Variants in ST8SIA5 observed in about 807,000 individuals in gnomAD.
ST8SIA5 encodes ST8 alpha-N-acetyl-neuraminide alpha-2,8-sialyltransferase 5.
A neutral mutation model predicts 40.2 loss-of-function variants in ST8SIA5; 24 were observed. The observed-to-expected ratio is 0.60, with a 90% CI of 0.43 to 0.84. ST8SIA5 has a LOEUF of 0.84. Ranked by LOEUF, ST8SIA5 falls within the 40% of genes least tolerant of loss-of-function variation. ST8SIA5 has a pLI of 0.00. For missense variants in ST8SIA5, 465 were observed against 498.5 expected (o/e 0.93, Z 0.64); for synonymous variants, 198 against 201.8 (o/e 0.98, Z 0.16).
intron 3 of ST8SIA5, chr18:46,691,444 A>G (rs11662364): frequency 0.25 from 38,261 of 152,166 alleles, 5,783 homozygotes; most frequent in Middle Eastern, 0.42. Flanking sequence ...CTGAGTGCTG[A>G]AATCCAGTAT....
At chr18:46,712,920 C>T (rs948569) in intron 1 of ST8SIA5, among the ~76,000 whole-genome samples, 141,032 of 152,298 alleles carry the variant, frequency 0.93, 65,400 homozygotes, top group Non-Finnish European at 0.95. Flanking sequence ...TGAATAGAGG[C>T]ATGGAGCCCT....
rs192349747 is a variant in ST8SIA5 at position 46,705,715 on chromosome 18, C to T, written c.132-1051G>A. On this transcript the variant is annotated intron_variant, in intron 1 of 6. Coordinates refer to ENST00000315087, the MANE Select transcript of ST8SIA5 (RefSeq NM_013305.6). Reference sequence around the variant, plus strand: ...TGTTCAGAGGCAGGGGTGGGTGGAGCTTGGAGGGTTGGATCCCAGGACAGC... The same window carrying T: ...TGTTCAGAGGCAGGGGTGGGTGGAGTTTGGAGGGTTGGATCCCAGGACAGC... 1.8e-3 allele frequency among the ~76,000 whole-genome samples: 274 copies of T among 152,322 alleles called. 2 individuals carry two copies. Among genetic ancestry groups the T allele is most frequent in the African/African-American group, 6.4e-3 (266 of 41,586 alleles).
Position 46,756,429 on chromosome 18 carries a change from G to A in ST8SIA5, c.80C>T (p.Ala27Val), listed in dbSNP as rs2040247642. 6.2e-7 allele frequency: 1 copy of A among 1,613,306 alleles called. No individual in the cohort carries two copies. The highest frequency in any genetic ancestry group is 1.3e-5 in the African/African-American group (1 of 75,014). The change falls in exon 1 of 7, where the codon GCC becomes GTC. Residue 27 changes from alanine (A) to valine (V), a missense_variant. Physicochemically the swap from Ala to Val is moderately conservative, Grantham distance 64. Transcript: ENST00000315087. ...GATCTGTTGCAGCAAGGTCACCAAG[G>A]CAAAGGCGCAGATGAAGATGAAGAG... ...TLLFIFICAF[A>V]LVTLLQQILY...
Position 46,732,032 on chromosome 18 carries a change from G to A in ST8SIA5, c.131+24346C>T, listed in dbSNP as rs998429310. Among the ~76,000 whole-genome samples, 8 of 152,270 alleles carry A rather than the reference G, an allele frequency of 5.3e-5. No individual in the cohort carries two copies. In the East Asian group the frequency reaches 1.4e-3, roughly 26 times the overall value. ...CCCAAGTTGTGGGAAGACAGGCCTC[G>A]GGTTGCCACTTTGCTCATTTGTCCA... On this transcript the variant is annotated intron_variant, in intron 1 of 6. Coordinates refer to ENST00000315087, the MANE Select transcript of ST8SIA5 (RefSeq NM_013305.6).
At chr18:46,742,209 A>T (rs938236716) in intron 1 of ST8SIA5, among the ~76,000 whole-genome samples, 1 of 152,154 alleles carries the variant, frequency 6.6e-6, no homozygotes, top group Non-Finnish European at 1.5e-5. Context: ...TCTTAAAAAA[A>T]TAAGCAAACA....
intron 1 of ST8SIA5, among the ~76,000 whole-genome samples, chr18:46,719,704 T>TTCTTTCTTTCTTTCTTTCTTTCTCTCTC (rs760988683): frequency 7.0e-6 from 1 of 143,868 alleles, no homozygotes; most frequent in Non-Finnish European, 1.5e-5. Flanking sequence ...CTTTCTTTCT[T>TTCTTTCTTTCTTTCTTTCTTTCTCTCTC]TCTCTCTTTC....
intron 1 of ST8SIA5, among the ~76,000 whole-genome samples, chr18:46,755,870 C>G (rs1599162440): frequency 6.6e-6 from 1 of 152,280 alleles, no homozygotes; most frequent in East Asian, 1.9e-4. Context: ...ATAGCCACAG[C>G]CCACACTACC....
chr18:46,713,210 G>GGAGAAGGA (rs1453126242), intron 1 of ST8SIA5, among the ~76,000 whole-genome samples: 1 of 152,214 alleles, frequency 6.6e-6, no homozygotes, highest in Admixed American at 6.5e-5. Flanking sequence ...AAGAAAGTGG[G>GGAGAAGGA]GAGAAGGAGA....
At chr18:46,686,362 ACACC>A (rs1221214159) in intron 4 of ST8SIA5, 76 bp from the exon 5 acceptor site, 2 of 1,191,766 alleles carry the variant, frequency 1.7e-6, no homozygotes, top group Admixed American at 3.7e-5. Context: ...CTCTGCAAGC[ACACC>A]CACCTATATT....
chr18:46,734,065 G>A (rs1357879537), intron 1 of ST8SIA5, among the ~76,000 whole-genome samples: 2 of 152,054 alleles, frequency 1.3e-5, no homozygotes. Flanking sequence ...TAAGGAGATG[G>A]GCCCCTCAGA....
At chr18:46,710,572 G>A (rs1410130980) in intron 1 of ST8SIA5, among the ~76,000 whole-genome samples, 11 of 123,184 alleles carry the variant, frequency 8.9e-5, no homozygotes, top group Non-Finnish European at 1.4e-4. Flanking sequence ...ATGGAGTCTC[G>A]CTCTGTCACC....
intron 1 of ST8SIA5, among the ~76,000 whole-genome samples, chr18:46,709,327 C>G (rs1427812611): frequency 6.6e-6 from 1 of 152,138 alleles, no homozygotes; most frequent in South Asian, 2.1e-4. Context: ...CTATGAGGAA[C>G]GGGCCCTCGC....
At chr18:46,725,990 TATATATATATATATATATATCCTGG>T (rs1568271350) in intron 1 of ST8SIA5, among the ~76,000 whole-genome samples, 16 of 63,406 alleles carry the variant, frequency 2.5e-4, no homozygotes, top group South Asian at 1.3e-3. Flanking sequence ...TATATATATA[TATATATATATATATATATATCCTGG>T]ATATATATAT....
In ST8SIA5 at chr18:46,679,838, C is replaced by T. The variant is rs2039368632; in HGVS notation, c.*204G>A. 1 of 612,456 alleles carries T rather than the reference C, an allele frequency of 1.6e-6. No individual in the cohort carries two copies. Among genetic ancestry groups the T allele is most frequent in the Non-Finnish European group, 2.8e-6 (1 of 352,898 alleles). 37.9% of individuals were successfully genotyped at this position (612,456 alleles called of 1,614,324 possible). The stretch of plus-strand genomic sequence containing the variant: ...GGCGGATGCACCGGTGGGGGCCAGG[C>T]CAGGAGGCTCAGCACAGAGCTGACT... On this transcript the variant is annotated 3_prime_UTR_variant, in exon 7 of 7. Coordinates refer to ENST00000315087, the MANE Select transcript of ST8SIA5 (RefSeq NM_013305.6).
Position 46,717,439 on chromosome 18 carries a change from G to A in ST8SIA5, c.132-12775C>T, listed in dbSNP as rs542892539. Among the ~76,000 whole-genome samples, 13 of 152,238 alleles carry A rather than the reference G, an allele frequency of 8.5e-5. 1 individual carries two copies. The highest frequency in any genetic ancestry group is 3.9e-4 in the Admixed American group (6 of 15,290). ...CAACCTCTGCCTCCTGAGTTCAAGC[G>A]ATTCTCCTGTCTCAGCCGCCCGAGT... On this transcript the variant is annotated intron_variant, in intron 1 of 6. Coordinates refer to ENST00000315087, the MANE Select transcript of ST8SIA5 (RefSeq NM_013305.6).
rs149099502 is a variant in ST8SIA5 at position 46,692,360 on chromosome 18, C to T, written c.225-105G>A. 9.3e-5 allele frequency: 91 copies of T among 975,608 alleles called. No homozygotes were observed. In the African/African-American group the frequency reaches 1.3e-3, roughly 14 times the overall value. The allele number at this position is 975,608 out of a possible 1,614,324, so 60.4% of individuals were successfully genotyped here. ...GATCTCCCATAGGCCAAGTCCAGTC[C>T]TGGGGCTGGCCCTTGGCATTGACCA... On this transcript the variant is annotated intron_variant, in intron 2 of 6. Transcript: ENST00000315087.
Position 46,670,961 on chromosome 18 carries a change from T to C in ST8SIA5, c.*9081A>G, listed in dbSNP as rs781235348. 6.6e-6 allele frequency: 1 copy of C among 152,190 alleles called. No homozygotes were observed. The highest frequency in any genetic ancestry group is 1.5e-5 in the Non-Finnish European group (1 of 68,040). 9.4% of individuals were successfully genotyped at this position (152,190 alleles called of 1,614,324 possible). A position where few individuals can be genotyped will look rare whatever the true frequency, so the allele number is the denominator to read the frequency against. ...ATCAAAGCAAATGCCGTGAGATATG[T>C]GATATTAGCAAAATGGTTGGCCCTT... On this transcript the variant is annotated 3_prime_UTR_variant, in exon 7 of 7. Transcript: ENST00000315087.
chr18:46,736,505 A>G (rs1209783668), intron 1 of ST8SIA5, among the ~76,000 whole-genome samples: 2 of 152,186 alleles, frequency 1.3e-5, no homozygotes, highest in Non-Finnish European at 2.9e-5. Flanking sequence ...TTGGATTAGA[A>G]GGAGGACAAA....
rs1400710989 is a variant in ST8SIA5, at chr18:46,671,323, A to C, written c.*8719T>G. On this transcript the variant is annotated 3_prime_UTR_variant, in exon 7 of 7. Coordinates refer to ENST00000315087, the MANE Select transcript of ST8SIA5 (RefSeq NM_013305.6). Reference sequence around the variant, plus strand: ...TGGTTTCAGCTCAAGCCTGTTCCAAAGTATGATAGAAAAGGAAATGCATAA... The same window carrying C: ...TGGTTTCAGCTCAAGCCTGTTCCAACGTATGATAGAAAAGGAAATGCATAA... 6.6e-6 allele frequency: 1 copy of C among 152,238 alleles called. No individual in the cohort carries two copies. Among genetic ancestry groups the C allele is most frequent in the Non-Finnish European group, 1.5e-5 (1 of 68,044 alleles). 9.4% of individuals were successfully genotyped at this position (152,238 alleles called of 1,614,324 possible).
Sources: allele counts gnomAD v4.1 joint callset (sites outside exome capture counted in the v4.1 genomes callset), GRCh38; gene constraint gnomAD v4.1.1; transcripts MANE v1.5; gene names NCBI Gene and HGNC (gene_info 2026-07-23, HGNC 2026-07-21).